STIM1: variants seen among roughly 807,000 people sequenced by gnomAD.
STIM1 encodes the protein stromal interaction molecule 1.
Under a neutral mutation model 74.7 loss-of-function variants are expected in STIM1, and 25 were observed. That is an observed-to-expected ratio of 0.33 (90% CI 0.24 to 0.47). The LOEUF (loss-of-function observed/expected upper bound fraction) is 0.47, where lower values mean the gene tolerates loss of function less well. STIM1 is among the 20% of genes least tolerant of loss of function. The probability of loss-of-function intolerance (pLI) is 1.00; values close to 1 mark genes in which losing one functional copy is unlikely to be tolerated. For synonymous variants in STIM1, 328 were observed against 348.8 expected, an observed-to-expected ratio of 0.94 and a Z score of 0.66; for missense variants, 728 against 920.8, an observed-to-expected ratio of 0.79 and a Z score of 2.71.
chr11:4,039,585 CAAAAAAAAAA>C (rs549132163), intron 3 of STIM1, among the ~76,000 whole-genome samples: 1 of 54,478 alleles, frequency 1.8e-5, no homozygotes, highest in Non-Finnish European at 3.3e-5. Flanking sequence ...GACTCCATCT[CAAAAAAAAAA>C]AAAAAAAAAA....
At chr11:3,926,412 C>A (rs1474233862) in intron 1 of STIM1, among the ~76,000 whole-genome samples, 1 of 152,148 alleles carries the variant, frequency 6.6e-6, no homozygotes, top group Non-Finnish European at 1.5e-5. Flanking sequence ...AGATTAAAAA[C>A]AATTATAAAA....
intron 2 of STIM1, among the ~76,000 whole-genome samples, chr11:3,997,538 A>G (rs1309900685): frequency 6.6e-6 from 1 of 152,222 alleles, no homozygotes; most frequent in Non-Finnish European, 1.5e-5. Flanking sequence ...GAGTTGCAGA[A>G]GAGGACGCCC....
intron 2 of STIM1, among the ~76,000 whole-genome samples, chr11:3,999,236 G>A (rs1451972580): frequency 6.6e-6 from 1 of 152,214 alleles, no homozygotes; most frequent in Non-Finnish European, 1.5e-5. Flanking sequence ...TACTCGGGAG[G>A]CTGAGGCAGG....
At chr11:3,992,245 CAA>C (rs1035191840) in intron 2 of STIM1, among the ~76,000 whole-genome samples, 1 of 137,538 alleles carries the variant, frequency 7.3e-6, no homozygotes, top group Non-Finnish European at 1.6e-5. Flanking sequence ...TTGGTCTCTA[CAA>C]AAAAAAAAAC....
chr11:3,860,040 A>G (rs2090538746), intron 1 of STIM1, among the ~76,000 whole-genome samples: 1 of 152,278 alleles, frequency 6.6e-6, no homozygotes. Context: ...CAAAACAGAC[A>G]TGTTCCTTCC....
chr11:3,860,106 T>C (rs552904785), intron 1 of STIM1, among the ~76,000 whole-genome samples: 1 of 152,294 alleles, frequency 6.6e-6, no homozygotes, highest in East Asian at 1.9e-4. Flanking sequence ...TAAATAAATA[T>C]ATTATCTTGT....
intron 1 of STIM1, among the ~76,000 whole-genome samples, chr11:3,871,871 A>G (rs1328447438): frequency 6.6e-6 from 1 of 152,228 alleles, no homozygotes; most frequent in Non-Finnish European, 1.5e-5. Context: ...ATGTGTGCAG[A>G]TCTTATGAAA....
rs778362500 is a variant in STIM1 at position 4,091,433 on chromosome 11, C to CCAG, written c.1787_1789dup (p.Pro596_Gly597insAla). The CCAG allele has an allele frequency of 6.2e-7, 1 of 1,614,200 alleles. No homozygotes were observed. Among genetic ancestry groups the CCAG allele is most frequent in the Admixed American group, 1.7e-5 (1 of 60,020 alleles). ...CCACCGGCTGATCGAGGGGGTCCAC[C>CCAG]CAGGGTCTCTGGTGGAGAAACTGCC... On this transcript the variant is annotated inframe_insertion, in exon 13 of 13. Coordinates refer to ENST00000526596, the MANE Select transcript of STIM1 (RefSeq NM_001382567.1).
chr11:3,915,989 C>T (rs759157901), intron 1 of STIM1, among the ~76,000 whole-genome samples: 2 of 152,072 alleles, frequency 1.3e-5, no homozygotes, highest in Admixed American at 6.6e-5. Flanking sequence ...ACCCAGGAAG[C>T]AGAGGTTGCA....
chr11:4,005,587 G>T (rs890532335), intron 2 of STIM1, among the ~76,000 whole-genome samples: 1 of 131,066 alleles, frequency 7.6e-6, no homozygotes, highest in Non-Finnish European at 1.6e-5. Context: ...TGTGGGGTGG[G>T]GGGAGGGGGG....
intron 1 of STIM1, among the ~76,000 whole-genome samples, chr11:3,878,457 T>C (rs1375282416): frequency 6.6e-6 from 1 of 152,148 alleles, no homozygotes; most frequent in African/African-American, 2.4e-5. Context: ...CATATGAAGT[T>C]TCTTTTTTTT....
At chr11:3,999,429 G>C (rs2093691719) in intron 2 of STIM1, among the ~76,000 whole-genome samples, 1 of 152,216 alleles carries the variant, frequency 6.6e-6, no homozygotes, top group African/African-American at 2.4e-5. Context: ...AGAGTGGCCA[G>C]GAAGGTACTT....
At chr11:4,000,426 A>G (rs1393330435) in intron 2 of STIM1, among the ~76,000 whole-genome samples, 1 of 152,050 alleles carries the variant, frequency 6.6e-6, no homozygotes, top group Non-Finnish European at 1.5e-5. Flanking sequence ...TTCGCGGATC[A>G]TGAAAATCCG....
intron 2 of STIM1, among the ~76,000 whole-genome samples, chr11:3,998,056 T>C (rs1005743504): frequency 6.6e-6 from 1 of 152,180 alleles, no homozygotes; most frequent in African/African-American, 2.4e-5. Flanking sequence ...GGCCCTAGGA[T>C]TGTACGTTCT....
chr11:4,056,657 T>TC (rs767786874), intron 4 of STIM1, among the ~76,000 whole-genome samples: 1 of 152,240 alleles, frequency 6.6e-6, no homozygotes, highest in Non-Finnish European at 1.5e-5. Context: ...AGCACTGCTG[T>TC]CCAGGCCTAG....
At chr11:3,970,578 C>A (rs913356480) in intron 2 of STIM1, among the ~76,000 whole-genome samples, 1 of 150,330 alleles carries the variant, frequency 6.7e-6, no homozygotes. Flanking sequence ...TTTTATTCCA[C>A]TTACATGAAT....
intron 1 of STIM1, among the ~76,000 whole-genome samples, chr11:3,857,031 C>G (rs1282750144): frequency 6.7e-6 from 1 of 149,588 alleles, no homozygotes; most frequent in Non-Finnish European, 1.5e-5. Flanking sequence ...GATATAATTC[C>G]TGGGACCACT....
rs192967875 is a variant in STIM1 at position 3,987,162 on chromosome 11, G to A, written c.270+19480G>A. On this transcript the variant is annotated intron_variant, in intron 2 of 12. Transcript: ENST00000526596. ...AGATAAACCAGTATAAATAGTATGA[G>A]CCCCCTTGTCAAGGGGACCTAGGTT... is the stretch of plus-strand genomic sequence containing the variant. Among the ~76,000 whole-genome samples the A allele has an allele frequency of 5.8e-3, 877 of 152,108 alleles. 3 individuals are homozygous for A. Among genetic ancestry groups the A allele is most frequent in the Non-Finnish European group, 7.8e-3 (531 of 68,000 alleles).
chr11:4,027,298 G>A (rs1392122064), intron 3 of STIM1, among the ~76,000 whole-genome samples: 2 of 151,910 alleles, frequency 1.3e-5, no homozygotes, highest in South Asian at 2.1e-4. Context: ...TAGGGGATTC[G>A]CCTTTTCTTT....
Sources: allele counts gnomAD v4.1 joint callset (sites outside exome capture counted in the v4.1 genomes callset), GRCh38; gene constraint gnomAD v4.1.1; transcripts MANE v1.5; gene names NCBI Gene and HGNC (gene_info 2026-07-23, HGNC 2026-07-21).